Variants in AZI2 observed in about 807,000 individuals in gnomAD.
The protein encoded by AZI2 is 5-azacytidine-induced protein 2.
A neutral mutation model predicts 45.8 loss-of-function variants in AZI2; 22 were observed. That is an observed-to-expected ratio of 0.48 (90% CI 0.34 to 0.69). The LOEUF (loss-of-function observed/expected upper bound fraction) is 0.69. Ranked by LOEUF, AZI2 falls within the 30% of genes least tolerant of loss-of-function variation. The pLI is 0.01. For missense variants in AZI2, 417 were observed against 441.5 expected (o/e 0.94, Z 0.50); for synonymous variants, 137 against 156.7 (o/e 0.87, Z 0.94).
chr3:28,324,352 G>C lies in AZI2; in HGVS notation c.869C>G (p.Pro290Arg). The change falls in exon 8 of 8, where the codon CCA (proline) becomes CGA (arginine). Residue 290 changes from proline (P) to arginine (R), a missense_variant. Physicochemically the swap from Pro to Arg is moderately radical, Grantham distance 103. Transcript: ENST00000479665. ...ATYTRHPPLL[P>R]NGKALCHTTS... is the part of the protein sequence containing the mutation. Reference sequence around the variant, plus strand: ...GGTATGACAAAGAGCTTTGCCATTTGGTAAGAGAGGGGGATGTCTTGTGTA... The same window carrying C: ...GGTATGACAAAGAGCTTTGCCATTTCGTAAGAGAGGGGGATGTCTTGTGTA... The C allele has an allele frequency of 6.3e-7, 1 of 1,596,962 alleles. No individual in the cohort carries two copies. The highest frequency in any genetic ancestry group is 8.5e-7 in the Non-Finnish European group (1 of 1,170,828).
rs1703221163 is a variant in AZI2, at chr3:28,322,625, C to A, written c.*1417G>T. Reference sequence around the variant, plus strand: ...CCTGGAGTATTGTATTTCTTTTATGCATATTGGGTTTGGTTCTATTACTTG... The same window carrying A: ...CCTGGAGTATTGTATTTCTTTTATGAATATTGGGTTTGGTTCTATTACTTG... On this transcript the variant is annotated 3_prime_UTR_variant, in exon 8 of 8. Coordinates refer to ENST00000479665, the MANE Select transcript of AZI2 (RefSeq NM_022461.5). 6.6e-6 allele frequency: 1 copy of A among 151,552 alleles called. No homozygotes were observed. The highest frequency in any genetic ancestry group is 1.5e-5 in the Non-Finnish European group (1 of 67,406). The allele number at this position is 151,552 out of a possible 1,614,324, so 9.4% of individuals were successfully genotyped here.
chr3:28,338,657 C>G (rs1488809019), intron 2 of AZI2, 42 bp from the exon 3 acceptor site: 2 of 1,548,036 alleles, frequency 1.3e-6, no homozygotes, highest in African/African-American at 2.7e-5. Context: ...AGAGAGTATT[C>G]TATAGATAAA....
chr3:28,324,623 T>C, intron 7 of AZI2, 169 bp from the exon 8 acceptor site: 1 of 525,238 alleles, frequency 1.9e-6, no homozygotes, highest in South Asian at 7.7e-5. Flanking sequence ...ATGATCTGAG[T>C]TTTAATCCTG....
rs1047069330 is a variant in AZI2 at position 28,323,147 on chromosome 3, AT to A, written c.*894del. 4.0e-5 allele frequency: 6 copies of A among 150,896 alleles called. No homozygotes were observed. Among genetic ancestry groups the A allele is most frequent in the Non-Finnish European group, 5.9e-5 (4 of 67,296 alleles). The allele number at this position is 150,896 out of a possible 1,614,324, so 9.3% of individuals were successfully genotyped here. On this transcript the variant is annotated 3_prime_UTR_variant, in exon 8 of 8. Transcript: ENST00000479665. ...TTACATTTCAACACAAAGTCTAACAATTTAGAAGCTGCTCTACACAATGTGC... is the reference window on the plus strand; with the variant it reads ...TTACATTTCAACACAAAGTCTAACAATTAGAAGCTGCTCTACACAATGTGC...
At chr3:28,345,032 G>GA (rs1336050229) in intron 1 of AZI2, among the ~76,000 whole-genome samples, 1 of 152,122 alleles carries the variant, frequency 6.6e-6, no homozygotes, top group African/African-American at 2.4e-5. Flanking sequence ...AGAAGCTGGA[G>GA]ATGACTGAGG....
In AZI2 at chr3:28,322,757, T is replaced by C. The variant is rs775311624; in HGVS notation, c.*1285A>G. 7 of 151,674 alleles carry C rather than the reference T, an allele frequency of 4.6e-5. No homozygotes were observed. Among genetic ancestry groups the C allele is most frequent in the African/African-American group, 1.4e-4 (6 of 41,440 alleles). The allele number at this position is 151,674 out of a possible 1,614,324, so 9.4% of individuals were successfully genotyped here. ...CAGACAAGCTTGAATAAGTGTAAGATAATAGAAAAAAATATCTAGTGAATG... is the reference window on the plus strand; with the variant it reads ...CAGACAAGCTTGAATAAGTGTAAGACAATAGAAAAAAATATCTAGTGAATG... On this transcript the variant is annotated 3_prime_UTR_variant, in exon 8 of 8. Transcript: ENST00000479665.
rs2125661871 is a variant in AZI2, at chr3:28,340,324, A to G, written c.216+78T>C. On this transcript the variant is annotated intron_variant, in intron 2 of 7. Coordinates refer to ENST00000479665, the MANE Select transcript of AZI2 (RefSeq NM_022461.5). ...TTAGTACAATCATGGAAGACAGGAC[A>G]AAAAGTATTCAAAATTTCAAGTATT... 6.9e-6 allele frequency: 7 copies of G among 1,015,508 alleles called. No individual in the cohort carries two copies. In the South Asian group the frequency reaches 1.2e-4, roughly 17 times the overall value. The allele number at this position is 1,015,508 out of a possible 1,614,324, so 62.9% of individuals were successfully genotyped here.
chr3:28,343,273 G>A (rs1337080473), intron 1 of AZI2, among the ~76,000 whole-genome samples: 2 of 152,010 alleles, frequency 1.3e-5, no homozygotes. Flanking sequence ...TGAAGAGGAT[G>A]GTTATTTTCA....
At chr3:28,329,908 T>G (rs35374336) in intron 6 of AZI2, among the ~76,000 whole-genome samples, 31,032 of 151,216 alleles carry the variant, frequency 0.21, 3,569 homozygotes, top group Admixed American at 0.28. Context: ...ATTGGTGTGT[T>G]CTTTCTGACT....
Position 28,324,248 on chromosome 3 carries a change from A to C in AZI2, c.973T>G (p.Ser325Ala), listed in dbSNP as rs367925539. 20 of 1,610,144 alleles carry C rather than the reference A, an allele frequency of 1.2e-5. No homozygotes were observed. Among genetic ancestry groups the C allele is most frequent in the Admixed American group, 1.7e-5 (1 of 59,692 alleles). Reference protein sequence around the residue: ...ILQSWTDNERSIPNDGTCFQE... With the variant: ...ILQSWTDNERAIPNDGTCFQE... Reference sequence around the variant, plus strand: ...AAGCATGTACCATCATTAGGAATGGATCTCTCATTGTCTGTCCATGATTGG... The same window carrying C: ...AAGCATGTACCATCATTAGGAATGGCTCTCTCATTGTCTGTCCATGATTGG... Residue 325 changes from serine (S) to alanine (A), a missense_variant, in exon 8 of 8, where the codon TCC becomes GCC. Ser to Ala is a moderately conservative substitution (Grantham distance 99). Transcript: ENST00000479665.
rs948676118 is a variant in AZI2 at position 28,321,799 on chromosome 3, T to C, written c.*2243A>G. 4 of 151,330 alleles carry C rather than the reference T, an allele frequency of 2.6e-5. No individual in the cohort carries two copies. Among genetic ancestry groups the C allele is most frequent in the South Asian group, 2.1e-4 (1 of 4,828 alleles). 9.4% of individuals were successfully genotyped at this position (151,330 alleles called of 1,614,324 possible). ...TCCATTTTGGCAGCAACTCAGTAAG[T>C]CTTACAGATGTAAATTTTACTTTAG... On this transcript the variant is annotated 3_prime_UTR_variant, in exon 8 of 8. Coordinates refer to ENST00000479665, the MANE Select transcript of AZI2 (RefSeq NM_022461.5).
At chr3:28,332,504 G>A (rs918816877) in intron 5 of AZI2, 77 bp from the exon 6 acceptor site, 4 of 1,234,268 alleles carry the variant, frequency 3.2e-6, no homozygotes, top group Non-Finnish European at 4.7e-6. Context: ...TTTCTTACCA[G>A]AGACATGTTC....
chr3:28,327,131 A>T (rs1260015700), intron 6 of AZI2, 181 bp from the exon 7 acceptor site: 1 of 540,280 alleles, frequency 1.9e-6, no homozygotes, highest in East Asian at 3.2e-5. Context: ...TCTTGAAAGA[A>T]TAACACTGTC....
At chr3:28,335,398 GT>G (rs1428767652) in intron 5 of AZI2, among the ~76,000 whole-genome samples, 2 of 151,898 alleles carry the variant, frequency 1.3e-5, no homozygotes, top group African/African-American at 4.8e-5. Flanking sequence ...AGTGGTGATG[GT>G]AACTGAGCTG....
Position 28,322,501 on chromosome 3 carries a change from A to G in AZI2, c.*1541T>C, listed in dbSNP as rs575747519. On this transcript the variant is annotated 3_prime_UTR_variant, in exon 8 of 8. Transcript: ENST00000479665. ...TTTAAAAAAGGCAAACCAGTAAGCT[A>G]CATTAGAGATCAGATATAATATACA... The G allele has an allele frequency of 6.6e-6, 1 of 151,864 alleles. No homozygotes were observed. The highest frequency in any genetic ancestry group is 1.5e-5 in the Non-Finnish European group (1 of 67,468). 9.4% of individuals were successfully genotyped at this position (151,864 alleles called of 1,614,324 possible). A position where few individuals can be genotyped will look rare whatever the true frequency, so the allele number is the denominator to read the frequency against.
At position 28,323,104 on chromosome 3, in the gene AZI2, TTCTC is replaced by T. The variant is rs1000563047; in HGVS notation, c.*934_*937del. On this transcript the variant is annotated 3_prime_UTR_variant, in exon 8 of 8. Transcript: ENST00000479665. ...TTAAAAATAATAATTTTAAATCACT[TTCTC>T]AATAAATAGAATATTACATTTCAAC... 4 of 151,182 alleles carry T rather than the reference TTCTC, an allele frequency of 2.6e-5. No homozygotes were observed. The highest frequency in any genetic ancestry group is 9.7e-5 in the African/African-American group (4 of 41,328). The allele number at this position is 151,182 out of a possible 1,614,324, so 9.4% of individuals were successfully genotyped here. A position where few individuals can be genotyped will look rare whatever the true frequency, so the allele number is the denominator to read the frequency against.
chr3:28,341,261 A>G (rs1704007198), intron 1 of AZI2, among the ~76,000 whole-genome samples: 1 of 152,058 alleles, frequency 6.6e-6, no homozygotes, highest in African/African-American at 2.4e-5. Flanking sequence ...TAATTATCTG[A>G]ACAATTCTAT....
intron 6 of AZI2, 64 bp from the exon 7 acceptor site, chr3:28,327,014 C>G (rs992111533): frequency 8.7e-7 from 1 of 1,146,178 alleles, no homozygotes; most frequent in Non-Finnish European, 1.3e-6. Context: ...AAGGGAATAA[C>G]TTTAGAAATA....
Position 28,321,932 on chromosome 3 carries a change from T to C in AZI2, c.*2110A>G, listed in dbSNP as rs999971456. On this transcript the variant is annotated 3_prime_UTR_variant, in exon 8 of 8. Transcript: ENST00000479665. Reference sequence around the variant, plus strand: ...AACCTTATAAAAAGAAATCTAAAGATTCCAAAGGAAGCTCTTTAGAGCAAG... The same window carrying C: ...AACCTTATAAAAAGAAATCTAAAGACTCCAAAGGAAGCTCTTTAGAGCAAG... 2 of 151,340 alleles carry C rather than the reference T, an allele frequency of 1.3e-5. No homozygotes were observed. The highest frequency in any genetic ancestry group is 4.2e-4 in the South Asian group (2 of 4,818). The allele number at this position is 151,340 out of a possible 1,614,324, so 9.4% of individuals were successfully genotyped here.
Sources: allele counts gnomAD v4.1 joint callset (sites outside exome capture counted in the v4.1 genomes callset), GRCh38; gene constraint gnomAD v4.1.1; transcripts MANE v1.5; gene names NCBI Gene and HGNC (gene_info 2026-07-23, HGNC 2026-07-21).